The following FAM171A1 variants were observed in gnomAD, a reference collection of about 807,000 sequenced individuals.
FAM171A1 encodes family with sequence similarity 171 member A1.
In FAM171A1, 23 loss-of-function variants were observed where a neutral mutation model predicts 74.9. The observed-to-expected ratio is 0.31, with a 90% CI of 0.22 to 0.44. FAM171A1 has a LOEUF of 0.44. Ranked by LOEUF, FAM171A1 falls within the 20% of genes least tolerant of loss-of-function variation. FAM171A1 has a pLI of 1.00. For synonymous variants in FAM171A1, 527 were observed against 505.7 expected, an observed-to-expected ratio of 1.04 and a Z score of -0.57; for missense variants, 1,162 against 1,159.2, an observed-to-expected ratio of 1.00 and a Z score of -0.03.
intron 1 of FAM171A1, among the ~76,000 whole-genome samples, chr10:15,294,149 C>T (rs1458224593): frequency 6.6e-6 from 1 of 152,190 alleles, no homozygotes; most frequent in Non-Finnish European, 1.5e-5. Flanking sequence ...CTCCTCCTCC[C>T]ACAAGTTCTG....
At chr10:15,368,995 A>C (rs1836099856) in intron 1 of FAM171A1, among the ~76,000 whole-genome samples, 1 of 152,152 alleles carries the variant, frequency 6.6e-6, no homozygotes, top group Admixed American at 6.6e-5. Flanking sequence ...AGATAACAAC[A>C]AAGGAAGTAA....
chr10:15,361,409 G>A (rs748986136), intron 1 of FAM171A1, among the ~76,000 whole-genome samples: 37 of 152,170 alleles, frequency 2.4e-4, no homozygotes, highest in Non-Finnish European at 4.3e-4. Context: ...CTTGCCAAGG[G>A]TAGCAACTCA....
At chr10:15,354,821 T>A (rs1423351452) in intron 1 of FAM171A1, among the ~76,000 whole-genome samples, 5 of 152,142 alleles carry the variant, frequency 3.3e-5, no homozygotes, top group Admixed American at 2.0e-4. Flanking sequence ...AAGGAAATAA[T>A]CCTATCCTGT....
At chr10:15,357,269 C>A (rs535195409) in intron 1 of FAM171A1, among the ~76,000 whole-genome samples, 5 of 151,966 alleles carry the variant, frequency 3.3e-5, no homozygotes, top group African/African-American at 1.2e-4. Context: ...GGTGACAGAG[C>A]GAGACTCCGT....
intron 1 of FAM171A1, among the ~76,000 whole-genome samples, chr10:15,365,749 G>T (rs1383419967): frequency 7.6e-6 from 1 of 132,402 alleles, no homozygotes; most frequent in Non-Finnish European, 1.6e-5. Flanking sequence ...CAGCCTGGGG[G>T]ACACAGTGAG....
intron 2 of FAM171A1, among the ~76,000 whole-genome samples, chr10:15,276,605 G>A (rs769414769): frequency 7.2e-5 from 11 of 152,166 alleles, no homozygotes; most frequent in Non-Finnish European, 1.2e-4. Context: ...TTAAAAATAC[G>A]TGTCTAGGTT....
chr10:15,290,012 G>A (rs1406655597), intron 1 of FAM171A1, among the ~76,000 whole-genome samples: 3 of 152,128 alleles, frequency 2.0e-5, no homozygotes, highest in Non-Finnish European at 4.4e-5. Flanking sequence ...GGCGGGTCAC[G>A]AGGTCAGGAG....
chr10:15,370,340 T>C (rs1469177344), intron 1 of FAM171A1, among the ~76,000 whole-genome samples: 3 of 151,366 alleles, frequency 2.0e-5, no homozygotes, highest in Non-Finnish European at 2.9e-5. Context: ...AAATCCCTTA[T>C]GGTCTGGAAG....
intron 1 of FAM171A1, among the ~76,000 whole-genome samples, chr10:15,294,544 C>T (rs1442373133): frequency 6.6e-6 from 1 of 152,228 alleles, no homozygotes; most frequent in Non-Finnish European, 1.5e-5. Context: ...CTTCCCCTAC[C>T]ACGATTCAGA....
chr10:15,328,382 G>A (rs1835583884), intron 1 of FAM171A1, among the ~76,000 whole-genome samples: 1 of 152,172 alleles, frequency 6.6e-6, no homozygotes, highest in South Asian at 2.1e-4. Flanking sequence ...CTGACGTCAG[G>A]TGATCCACCC....
chr10:15,263,644 T>C (rs1243985283), intron 3 of FAM171A1, among the ~76,000 whole-genome samples: 1 of 152,178 alleles, frequency 6.6e-6, no homozygotes, highest in East Asian at 1.9e-4. Context: ...ACCATCCTGT[T>C]ATCCTAAGAC....
chr10:15,230,532 A>T (rs1006652247), intron 5 of FAM171A1, among the ~76,000 whole-genome samples: 1 of 152,254 alleles, frequency 6.6e-6, no homozygotes, highest in Admixed American at 6.5e-5. Flanking sequence ...GCATGAAATC[A>T]TGAATGTGTT....
intron 1 of FAM171A1, among the ~76,000 whole-genome samples, chr10:15,360,210 G>C (rs1468835163): frequency 6.6e-6 from 1 of 152,170 alleles, no homozygotes. Context: ...TGAGATTGTA[G>C]GTGTGAGCCA....
At chr10:15,233,433 C>T (rs1283218940) in intron 5 of FAM171A1, among the ~76,000 whole-genome samples, 2 of 151,968 alleles carry the variant, frequency 1.3e-5, no homozygotes, top group South Asian at 2.1e-4. Flanking sequence ...GATACAAATA[C>T]GTGTACATGG....
intron 1 of FAM171A1, among the ~76,000 whole-genome samples, chr10:15,287,046 A>G (rs1835043722): frequency 6.6e-6 from 1 of 151,998 alleles, no homozygotes; most frequent in African/African-American, 2.4e-5. Flanking sequence ...ATTCACTTCA[A>G]TCCAATCAGG....
chr10:15,230,216 C>T (rs1460075063), intron 5 of FAM171A1, among the ~76,000 whole-genome samples: 6 of 152,248 alleles, frequency 3.9e-5, no homozygotes, highest in Admixed American at 3.9e-4. Flanking sequence ...ACATTTATGA[C>T]ACTGTGGGAT....
intron 1 of FAM171A1, among the ~76,000 whole-genome samples, chr10:15,318,439 A>G (rs942684520): frequency 5.3e-5 from 8 of 152,194 alleles, no homozygotes; most frequent in African/African-American, 1.7e-4. Context: ...GTAAGTCTAT[A>G]CAGAAAAAGG....
At chr10:15,323,669 G>A (rs924057662) in intron 1 of FAM171A1, among the ~76,000 whole-genome samples, 6 of 152,070 alleles carry the variant, frequency 3.9e-5, no homozygotes, top group African/African-American at 1.4e-4. Context: ...ATGGCATCAG[G>A]CTAAAACAGC....
chr10:15,331,792 T>C (rs976466292), intron 1 of FAM171A1, among the ~76,000 whole-genome samples: 2 of 148,140 alleles, frequency 1.4e-5, no homozygotes, highest in Non-Finnish European at 3.0e-5. Flanking sequence ...TATAGATGTG[T>C]GTGTGTATAT....
Sources: gnomAD v4.1 joint callset for allele counts (sites outside exome capture counted in the v4.1 genomes callset) on GRCh38, gnomAD v4.1.1 for gene constraint, MANE v1.5 for transcripts, NCBI Gene and HGNC (gene_info 2026-07-23, HGNC 2026-07-21) for gene names.